The following SNX9 variants were observed in gnomAD, a reference collection of about 807,000 sequenced individuals.
SNX9 encodes sorting nexin 9, also known as sorting nexin-9.
A neutral mutation model predicts 89.4 loss-of-function variants in SNX9; 44 were observed. The ratio of observed to expected loss-of-function variants is 0.49; its 90% CI spans 0.39 to 0.63. SNX9 has a LOEUF of 0.63. SNX9 is among the 30% of genes least tolerant of loss of function. The pLI, the probability that SNX9 is intolerant of heterozygous loss-of-function variation, is 0.00. For missense variants in SNX9, 578 were observed against 736.1 expected (o/e 0.79, Z 2.49); for synonymous variants, 236 against 247.8 (o/e 0.95, Z 0.45).
intron 14 of SNX9, among the ~76,000 whole-genome samples, chr6:157,936,634 G>A: frequency 6.6e-6 from 1 of 152,202 alleles, no homozygotes; most frequent in East Asian, 1.9e-4. Context: ...CCATTGCTTA[G>A]CCTCTCTGAG....
intron 2 of SNX9, among the ~76,000 whole-genome samples, chr6:157,870,748 C>A (rs959726607): frequency 2.7e-5 from 4 of 150,138 alleles, no homozygotes; most frequent in Non-Finnish European, 4.4e-5. Flanking sequence ...GCATGCACAC[C>A]CCTCAGACAC....
chr6:157,894,845 C>T (rs2115162796), intron 4 of SNX9, among the ~76,000 whole-genome samples: 1 of 152,272 alleles, frequency 6.6e-6, no homozygotes, highest in South Asian at 2.1e-4. Flanking sequence ...CTGGAAATTT[C>T]AGAGACCTTT....
intron 2 of SNX9, among the ~76,000 whole-genome samples, chr6:157,871,613 C>T (rs1782413475): frequency 6.6e-6 from 1 of 151,994 alleles, no homozygotes; most frequent in South Asian, 2.1e-4. Context: ...ACCAACATGG[C>T]ACATGTATAC....
At position 157,908,858 on chromosome 6, in the gene SNX9, T is replaced by C. The variant is rs111467507; in HGVS notation, c.706-807T>C. ...TAAGCCTCGCCTGAATTTGTGAACTTTTGCCCTAGTCACAGATAGAAGAGA... is the reference window on the plus strand; with the variant it reads ...TAAGCCTCGCCTGAATTTGTGAACTCTTGCCCTAGTCACAGATAGAAGAGA... On this transcript the variant is annotated intron_variant, in intron 7 of 17. Transcript: ENST00000392185. Among the ~76,000 whole-genome samples, 353 of 152,214 alleles carry C rather than the reference T, an allele frequency of 2.3e-3. 2 individuals are homozygous for C. Among genetic ancestry groups the C allele is most frequent in the African/African-American group, 7.3e-3 (304 of 41,536 alleles).
chr6:157,851,225 T>C (rs1244425930), intron 1 of SNX9, among the ~76,000 whole-genome samples: 1 of 149,218 alleles, frequency 6.7e-6, no homozygotes, highest in Non-Finnish European at 1.5e-5. Flanking sequence ...GCCTCTGCAC[T>C]CCAGCTTGGG....
intron 7 of SNX9, among the ~76,000 whole-genome samples, chr6:157,907,952 C>G (rs80196387): frequency 0.015 from 2,289 of 152,294 alleles, 64 homozygotes; most frequent in African/African-American, 0.052. Context: ...GATCTGGGCT[C>G]TCCCTGAGGG....
intron 1 of SNX9, among the ~76,000 whole-genome samples, chr6:157,859,160 C>T (rs907375940): frequency 6.6e-6 from 1 of 152,232 alleles, no homozygotes; most frequent in African/African-American, 2.4e-5. Context: ...GACATACACA[C>T]ACACAGTTAA....
intron 14 of SNX9, 59 bp from the exon 15 acceptor site, chr6:157,937,375 C>A: frequency 8.1e-7 from 1 of 1,240,810 alleles, no homozygotes; most frequent in Non-Finnish European, 1.2e-6. Context: ...TAATAGTTCT[C>A]TTTTCCTTGA....
intron 4 of SNX9, among the ~76,000 whole-genome samples, chr6:157,879,911 C>G (rs761413262): frequency 6.6e-6 from 1 of 152,208 alleles, no homozygotes; most frequent in Non-Finnish European, 1.5e-5. Context: ...GGTTTAAAAG[C>G]TACTTAAAAG....
At position 157,915,351 on chromosome 6, in the gene SNX9, C is replaced by A. The variant is rs578231433; in HGVS notation, c.949+5326C>A. Among the ~76,000 whole-genome samples, 34 of 151,968 alleles carry A rather than the reference C, an allele frequency of 2.2e-4. 1 individual carries two copies. In the East Asian group the frequency reaches 5.6e-3, roughly 25 times the overall value. ...ATCATGCTGGAATTTTTATTGAAAC[C>A]GCATTGATTCTGTAGATCAATTTTC... On this transcript the variant is annotated intron_variant, in intron 9 of 17. Coordinates refer to ENST00000392185, the MANE Select transcript of SNX9 (RefSeq NM_016224.5).
At chr6:157,901,353 G>A (rs762336623) in intron 5 of SNX9, among the ~76,000 whole-genome samples, 21 of 151,968 alleles carry the variant, frequency 1.4e-4, no homozygotes, top group Non-Finnish European at 2.6e-4. Flanking sequence ...ATGTAGTCCC[G>A]CCTGTTATTT....
intron 12 of SNX9, 33 bp downstream of exon 12, chr6:157,928,735 TA>T (rs755570800): frequency 1.7e-5 from 25 of 1,492,036 alleles, no homozygotes; most frequent in Non-Finnish European, 1.5e-5. Context: ...ACTGGGCTCG[TA>T]GGGGGTGATG....
chr6:157,928,980 T>G (rs986706492), intron 12 of SNX9, among the ~76,000 whole-genome samples: 2 of 152,216 alleles, frequency 1.3e-5, no homozygotes, highest in Non-Finnish European at 2.9e-5. Context: ...AAATTAATCA[T>G]TTTTGCATGT....
At chr6:157,911,874 A>G (rs971937893) in intron 9 of SNX9, among the ~76,000 whole-genome samples, 1 of 152,240 alleles carries the variant, frequency 6.6e-6, no homozygotes, top group Admixed American at 6.5e-5. Flanking sequence ...AAAAATTTCA[A>G]ATTGTCATAG....
At position 157,930,590 on chromosome 6, in the gene SNX9, G is replaced by A. The variant is rs1319768307; in HGVS notation, c.1289-1605G>A. ...GAGCTCCGCCTCCTGTCAGATCAGCGGTGGCATTAGATTCTCATAGAAATT... is the reference window on the plus strand; with the variant it reads ...GAGCTCCGCCTCCTGTCAGATCAGCAGTGGCATTAGATTCTCATAGAAATT... On this transcript the variant is annotated intron_variant, in intron 12 of 17. Transcript: ENST00000392185. Among the ~76,000 whole-genome samples the A allele has an allele frequency of 4.6e-5, 7 of 152,084 alleles. No individual in the cohort carries two copies. In the East Asian group the frequency reaches 9.6e-4, roughly 21 times the overall value.
chr6:157,938,067 C>T (rs1204804237), intron 15 of SNX9, among the ~76,000 whole-genome samples: 1 of 152,188 alleles, frequency 6.6e-6, no homozygotes, highest in Admixed American at 6.5e-5. Context: ...TTCCAGACAG[C>T]GGTAAATAAC....
chr6:157,934,985 A>G (rs80191721), intron 13 of SNX9, among the ~76,000 whole-genome samples: 2,270 of 152,388 alleles, frequency 0.015, 63 homozygotes, highest in African/African-American at 0.051. Context: ...AAATGTGAGC[A>G]TTAGTGAAAA....
chr6:157,933,351 C>T (rs966040302), intron 13 of SNX9, among the ~76,000 whole-genome samples: 47 of 152,186 alleles, frequency 3.1e-4, no homozygotes, highest in African/African-American at 1.1e-3. Flanking sequence ...AATCTGTTAT[C>T]TCCTGTCACT....
chr6:157,823,273 G>A lies in SNX9; in HGVS notation c.-162G>A. ...GAGTAGCCGAGCGCCCAGCGGCTGG[G>A]CCTGAGCGTCGAGACTCGGGGCCGA... On this transcript the variant is annotated 5_prime_UTR_variant, in exon 1 of 18. Transcript: ENST00000392185. This position sits in a 1 kb window ranked among gnomAD's most constrained non-coding sequence, Gnocchi z 4.6. 4.7e-6 allele frequency: 2 copies of A among 424,642 alleles called. No individual in the cohort carries two copies. Among genetic ancestry groups the A allele is most frequent in the Non-Finnish European group, 7.0e-6 (2 of 285,256 alleles). 26.3% of individuals were successfully genotyped at this position (424,642 alleles called of 1,614,324 possible). A position where few individuals can be genotyped will look rare whatever the true frequency, so the allele number is the denominator to read the frequency against.
Sources: gnomAD v4.1 joint callset for allele counts (sites outside exome capture counted in the v4.1 genomes callset) on GRCh38, gnomAD v4.1.1 for gene constraint, Gnocchi (gnomAD v3.1) non-coding constraint, MANE v1.5 for transcripts, NCBI Gene and HGNC (gene_info 2026-07-23, HGNC 2026-07-21) for gene names.